SUFU: variants seen among roughly 807,000 people sequenced by gnomAD.
SUFU encodes suppressor of fused homolog.
In SUFU, 7 loss-of-function variants were observed where a neutral mutation model predicts 58.9. That is an observed-to-expected ratio of 0.12 (90% CI 0.07 to 0.22). The LOEUF (loss-of-function observed/expected upper bound fraction) is 0.22, where lower values mean the gene tolerates loss of function less well. Ranked by LOEUF, SUFU falls within the 10% of genes least tolerant of loss-of-function variation. The probability of loss-of-function intolerance (pLI) is 1.00; values close to 1 mark genes in which losing one functional copy is unlikely to be tolerated. For synonymous variants in SUFU, 232 were observed against 254.8 expected (o/e 0.91, Z 0.85); for missense variants, 451 against 641.3 (o/e 0.70, Z 3.20).
intron 3 of SUFU, among the ~76,000 whole-genome samples, chr10:102,574,760 C>T (rs1477040877): frequency 6.6e-6 from 1 of 152,112 alleles, no homozygotes; most frequent in Non-Finnish European, 1.5e-5. Context: ...ATCTTCGTCA[C>T]TAAAAAAGCC....
At chr10:102,626,161 G>T (rs1266235756) in intron 10 of SUFU, among the ~76,000 whole-genome samples, 1 of 152,122 alleles carries the variant, frequency 6.6e-6, no homozygotes, top group Non-Finnish European at 1.5e-5. Flanking sequence ...GGAGGGGGAG[G>T]GGTGAAGGAA....
upstream of SUFU, among the ~76,000 whole-genome samples, chr10:102,502,941 G>T (rs1308372417): frequency 1.3e-5 from 2 of 152,346 alleles, no homozygotes; most frequent in African/African-American, 2.4e-5. Context: ...CATGTTGCAT[G>T]CCTGGATCTG....
At chr10:102,583,236 C>T (rs1050582131) in intron 3 of SUFU, among the ~76,000 whole-genome samples, 1 of 152,208 alleles carries the variant, frequency 6.6e-6, no homozygotes. Context: ...CATTTCTTGT[C>T]CACAGAAGAG....
chr10:102,612,500 T>C (rs924675077), intron 8 of SUFU, among the ~76,000 whole-genome samples: 9 of 152,310 alleles, frequency 5.9e-5, no homozygotes, highest in Non-Finnish European at 1.3e-4. Flanking sequence ...AAGGTGACTT[T>C]AGCTGACTTT....
At chr10:102,502,858 G>T, upstream of SUFU, 1 of 594,742 alleles carries the variant, frequency 1.7e-6, no homozygotes. Flanking sequence ...ATTGGGAGTC[G>T]CATTTCCAAT....
At chr10:102,531,896 G>A (rs1223687370) in intron 2 of SUFU, among the ~76,000 whole-genome samples, 1 of 151,876 alleles carries the variant, frequency 6.6e-6, no homozygotes, top group South Asian at 2.1e-4. Flanking sequence ...AGCACCTCGG[G>A]CAATCCCAAA....
intron 2 of SUFU, among the ~76,000 whole-genome samples, chr10:102,547,662 A>G (rs2062867790): frequency 6.6e-6 from 1 of 152,174 alleles, no homozygotes; most frequent in African/African-American, 2.4e-5. Flanking sequence ...TCTCTACAAA[A>G]GTTTTAAAAA....
intron 3 of SUFU, among the ~76,000 whole-genome samples, chr10:102,578,631 C>T (rs2063240124): frequency 6.6e-6 from 1 of 151,530 alleles, no homozygotes; most frequent in African/African-American, 2.4e-5. Flanking sequence ...CTGCTTGGAC[C>T]TGTGAGGCAG....
intron 3 of SUFU, among the ~76,000 whole-genome samples, chr10:102,564,874 T>G (rs2063072143): frequency 6.6e-6 from 1 of 152,242 alleles, no homozygotes; most frequent in Non-Finnish European, 1.5e-5. Context: ...CAACTCTTGA[T>G]TTCTCTGCAC....
intron 3 of SUFU, among the ~76,000 whole-genome samples, chr10:102,571,057 T>C (rs1013639363): frequency 2.6e-5 from 4 of 152,076 alleles, no homozygotes; most frequent in Non-Finnish European, 4.4e-5. Context: ...AAAAAACAGA[T>C]GCAGAGAAGT....
In SUFU at chr10:102,504,121, C is replaced by G. The variant is rs543373848; in HGVS notation, c.-32C>G. On this transcript the variant is annotated 5_prime_UTR_variant, in exon 1 of 12. Transcript: ENST00000369902. ...TGCTCTCCCCGTCGTTTGCCCTCTC[C>G]AGTTCCCCCAGTGCCTGCCCTACGC... 2.0e-6 allele frequency: 3 copies of G among 1,530,866 alleles called. No homozygotes were observed. The highest frequency in any genetic ancestry group is 2.6e-6 in the Non-Finnish European group (3 of 1,142,848). The allele number at this position is 1,530,866 out of a possible 1,614,324, so 94.8% of individuals were successfully genotyped here.
chr10:102,507,560 A>G (rs1019603130), intron 1 of SUFU, among the ~76,000 whole-genome samples: 1 of 152,258 alleles, frequency 6.6e-6, no homozygotes, highest in Non-Finnish European at 1.5e-5. Flanking sequence ...TGAGATGCTA[A>G]GCTATTTGTA....
intron 3 of SUFU, among the ~76,000 whole-genome samples, chr10:102,569,363 C>T (rs2063138408): frequency 6.6e-6 from 1 of 152,158 alleles, no homozygotes; most frequent in African/African-American, 2.4e-5. Context: ...AGACACAGGA[C>T]TCTTCCCACT....
chr10:102,577,166 C>G (rs2063221234), intron 3 of SUFU, among the ~76,000 whole-genome samples: 1 of 150,122 alleles, frequency 6.7e-6, no homozygotes, highest in East Asian at 1.9e-4. Context: ...TCACTGCAAC[C>G]TCCGCCTCCC....
Position 102,578,856 on chromosome 10 carries a change from G to A in SUFU, c.455-13726G>A, listed in dbSNP as rs146110346. Among the ~76,000 whole-genome samples, 808 of 150,056 alleles carry A rather than the reference G, an allele frequency of 5.4e-3. 5 individuals are homozygous for A. The highest frequency in any genetic ancestry group is 0.019 in the African/African-American group (771 of 40,752). On this transcript the variant is annotated intron_variant, in intron 3 of 11. Coordinates refer to ENST00000369902, the MANE Select transcript of SUFU (RefSeq NM_016169.4). The stretch of plus-strand genomic sequence containing the variant: ...ACTGCACTCCAGTTTGGGCAACAGA[G>A]TGAGACTCTGTCTCAAAGGGAGAAA...
At chr10:102,551,898 G>A (rs559959258) in intron 3 of SUFU, among the ~76,000 whole-genome samples, 2 of 150,704 alleles carry the variant, frequency 1.3e-5, no homozygotes, top group Admixed American at 1.3e-4. Flanking sequence ...CTAATTTTTT[G>A]TATATTTTAG....
At chr10:102,551,464 C>T (rs1420942931) in intron 3 of SUFU, among the ~76,000 whole-genome samples, 3 of 151,774 alleles carry the variant, frequency 2.0e-5, no homozygotes, top group Non-Finnish European at 4.4e-5. Flanking sequence ...ATGGTGAAAC[C>T]CTGTGTCTAC....
At chr10:102,531,418 G>C (rs2062676745) in intron 2 of SUFU, among the ~76,000 whole-genome samples, 1 of 152,184 alleles carries the variant, frequency 6.6e-6, no homozygotes, top group Non-Finnish European at 1.5e-5. Flanking sequence ...CCATCGCCCA[G>C]CCTTTGTAGT....
chr10:102,594,797 CA>C (rs2063444692), intron 6 of SUFU, among the ~76,000 whole-genome samples: 3 of 152,282 alleles, frequency 2.0e-5, no homozygotes, highest in Admixed American at 2.0e-4. Context: ...CGGCTTACTG[CA>C]GCCTCCGCCT....
Sources: allele counts gnomAD v4.1 joint callset (sites outside exome capture counted in the v4.1 genomes callset), GRCh38; gene constraint gnomAD v4.1.1; transcripts MANE v1.5; gene names NCBI Gene and HGNC (gene_info 2026-07-23, HGNC 2026-07-21).